Variants in FAM217A observed in about 807,000 individuals in gnomAD.
FAM217A encodes the protein protein FAM217A.
In FAM217A, 13 loss-of-function variants were observed where a neutral mutation model predicts 18.5. The ratio of observed to expected loss-of-function variants is 0.70; its 90% CI spans 0.46 to 1.12. The LOEUF (loss-of-function observed/expected upper bound fraction) is 1.12. Ranked by LOEUF, FAM217A falls within the 50% of genes most tolerant of loss-of-function variation. The pLI is 0.00. For synonymous variants in FAM217A, 161 were observed against 202.8 expected, an observed-to-expected ratio of 0.79 and a Z score of 1.75; for missense variants, 560 against 575.4, an observed-to-expected ratio of 0.97 and a Z score of 0.27.
At position 4,069,159 on chromosome 6, in the gene FAM217A, T is replaced by C. The variant is rs79761863; in HGVS notation, c.1064A>G (p.Asn355Ser). The C allele has an allele frequency of 3.1e-6, 5 of 1,613,910 alleles. No homozygotes were observed. In the South Asian group the frequency reaches 4.4e-5, roughly 14 times the overall value. Residue 355 changes from asparagine to serine, a missense_variant, in exon 7 of 7, where the codon AAC becomes AGC. By Grantham distance (46) the Asn-to-Ser change is conservative (BLOSUM62 1). Coordinates refer to ENST00000274673, the MANE Select transcript of FAM217A (RefSeq NM_173563.3). Reference protein sequence around the residue: ...CVDKSQEKSKNNSGSCKLEQN... With the variant: ...CVDKSQEKSKSNSGSCKLEQN... ...TTCAAGCTTACAAGAACCAGAGTTGTTTTTACTTTTTTCTTGACTTTTATC... is the reference window on the plus strand; with the variant it reads ...TTCAAGCTTACAAGAACCAGAGTTGCTTTTACTTTTTTCTTGACTTTTATC...
Position 4,068,643 on chromosome 6 carries a change from G to T in FAM217A, c.*53C>A. The T allele has an allele frequency of 6.6e-7, 1 of 1,516,534 alleles. No individual in the cohort carries two copies. 93.9% of individuals were successfully genotyped at this position (1,516,534 alleles called of 1,614,324 possible). A position where few individuals can be genotyped will look rare whatever the true frequency, so the allele number is the denominator to read the frequency against. ...TCTTGGAATAATTAACCATATCTTA[G>T]TTGGGCTTCTTAGAGTAGATGTGTT... On this transcript the variant is annotated 3_prime_UTR_variant, in exon 7 of 7. Coordinates refer to ENST00000274673, the MANE Select transcript of FAM217A (RefSeq NM_173563.3).
At position 4,073,187 on chromosome 6, in the gene FAM217A, CA is replaced by C. The variant is rs112342282; in HGVS notation, c.302+87del. On this transcript the variant is annotated intron_variant, in intron 6 of 6. Transcript: ENST00000274673. ...AGAATACTATTTTCTTCTGGTTGTTCATGGTCCTTGTATTTCAAATAGTTAT... is the reference window on the plus strand; with the variant it reads ...AGAATACTATTTTCTTCTGGTTGTTCTGGTCCTTGTATTTCAAATAGTTAT... 7,431 of 1,033,772 alleles carry C rather than the reference CA, an allele frequency of 7.2e-3. 333 individuals are homozygous for C. In the African/African-American group the frequency reaches 0.1, roughly 15 times the overall value. 64.0% of individuals were successfully genotyped at this position (1,033,772 alleles called of 1,614,324 possible). A position where few individuals can be genotyped will look rare whatever the true frequency, so the allele number is the denominator to read the frequency against.
chr6:4,073,193 C>A (rs1232929880), intron 6 of FAM217A, 82 bp downstream of exon 6: 7 of 1,077,592 alleles, frequency 6.5e-6, no homozygotes, highest in Non-Finnish European at 9.5e-6. Context: ...TGTTCATGGT[C>A]CTTGTATTTC....
In FAM217A at chr6:4,068,563, A is replaced by G. The variant is rs1769176895; in HGVS notation, c.*133T>C. The G allele has an allele frequency of 2.1e-6, 2 of 967,370 alleles. No individual in the cohort carries two copies. The highest frequency in any genetic ancestry group is 2.5e-5 in the East Asian group (1 of 40,136). The allele number at this position is 967,370 out of a possible 1,614,324, so 59.9% of individuals were successfully genotyped here. A position where few individuals can be genotyped will look rare whatever the true frequency, so the allele number is the denominator to read the frequency against. On this transcript the variant is annotated 3_prime_UTR_variant, in exon 7 of 7. Transcript: ENST00000274673. ...CAGTGCTTTTCACAAGTTCTACTCC[A>G]TATCACATCAAGCAACTGTTTGGTG...
chr6:4,074,401 G>A (rs201819361), intron 4 of FAM217A, 42 bp downstream of exon 4: 9 of 1,499,528 alleles, frequency 6.0e-6, no homozygotes, highest in South Asian at 2.5e-5. Flanking sequence ...TTTTAAAATC[G>A]TATGTTTTAT....
intron 1 of FAM217A, among the ~76,000 whole-genome samples, chr6:4,078,360 C>T (rs913982069): frequency 2.0e-5 from 3 of 152,160 alleles, no homozygotes; most frequent in South Asian, 2.1e-4. Flanking sequence ...CCAAGAATCA[C>T]AAATTAAAGC....
chr6:4,079,257 C>A (rs1770090506), upstream of FAM217A: 1 of 177,128 alleles, frequency 5.6e-6, no homozygotes, highest in Non-Finnish European at 1.2e-5. Context: ...CGCGGAGCCT[C>A]TCGGGGGTCA....
At chr6:4,070,604 G>A (rs569110521) in intron 6 of FAM217A, among the ~76,000 whole-genome samples, 1 of 152,296 alleles carries the variant, frequency 6.6e-6, no homozygotes, top group African/African-American at 2.4e-5. Context: ...GAAATACTGA[G>A]ATTAAAAGAT....
chr6:4,079,582 G>A (rs1311959572), upstream of FAM217A: 3 of 1,286,608 alleles, frequency 2.3e-6, no homozygotes, highest in Admixed American at 2.3e-5. Flanking sequence ...TGAGCTCTCC[G>A]CGACATGGCC....
chr6:4,071,548 G>A (rs925546213), intron 6 of FAM217A, among the ~76,000 whole-genome samples: 1 of 152,076 alleles, frequency 6.6e-6, no homozygotes, highest in Non-Finnish European at 1.5e-5. Context: ...TGCACGTGGT[G>A]GACTCCTATG....
chr6:4,069,142 T>C lies in FAM217A; in HGVS notation c.1081A>G (p.Lys361Glu), dbSNP rs1266784526. 6.2e-7 allele frequency: 1 copy of C among 1,614,198 alleles called. No homozygotes were observed. The highest frequency in any genetic ancestry group is 8.5e-7 in the Non-Finnish European group (1 of 1,180,022). ...EKSKNNSGSCKLEQNALKRNW... is the reference protein window; with the variant it reads ...EKSKNNSGSCELEQNALKRNW... ...CGTTTTAAAGCATTTTGTTCAAGCT[T>C]ACAAGAACCAGAGTTGTTTTTACTT... is the stretch of plus-strand genomic sequence containing the variant. Residue 361 changes from lysine (K) to glutamate (E), a missense_variant, in exon 7 of 7, where the codon AAG (lysine) becomes GAG (glutamate). By Grantham distance (56) the Lys-to-Glu change is moderately conservative. Transcript: ENST00000274673.
intron 6 of FAM217A, 48 bp from the exon 7 acceptor site, chr6:4,069,968 A>AATGCTATTAAAATGATACAGTTAAGTAC (rs1769297131): frequency 6.8e-6 from 9 of 1,325,196 alleles, no homozygotes; most frequent in Admixed American, 5.0e-5. Flanking sequence ...CTAGAATTAA[A>AATGCTATTAAAATGATACAGTTAAGTAC]ATGCTATTAA....
intron 1 of FAM217A, among the ~76,000 whole-genome samples, chr6:4,086,800 A>T (rs1262456872): frequency 6.6e-6 from 1 of 152,198 alleles, no homozygotes; most frequent in Non-Finnish European, 1.5e-5. Flanking sequence ...CAAATCTGAT[A>T]CTAGTTCTTG....
At chr6:4,080,247 C>T (rs1232982361), upstream of FAM217A, among the ~76,000 whole-genome samples, 1 of 152,164 alleles carries the variant, frequency 6.6e-6, no homozygotes, top group African/African-American at 2.4e-5. Context: ...TCAGAAAGAC[C>T]TTCCCTTTAA....
At chr6:4,079,218 G>A (rs1770085890), upstream of FAM217A, 1 of 257,758 alleles carries the variant, frequency 3.9e-6, no homozygotes, top group South Asian at 1.7e-4. Flanking sequence ...CGTATTCGCG[G>A]GCCGCGGGGT....
intron 2 of FAM217A, among the ~76,000 whole-genome samples, chr6:4,084,204 T>C (rs1770491584): frequency 6.6e-6 from 1 of 152,226 alleles, no homozygotes; most frequent in African/African-American, 2.4e-5. Flanking sequence ...AAATTAACCT[T>C]TAACACTCTG....
Position 4,078,908 on chromosome 6 carries a change from C to T in FAM217A, c.-91G>A, listed in dbSNP as rs966907325. 1.7e-6 allele frequency: 1 copy of T among 585,088 alleles called. No individual in the cohort carries two copies. The highest frequency in any genetic ancestry group is 2.9e-5 in the Admixed American group (1 of 34,402). 36.2% of individuals were successfully genotyped at this position (585,088 alleles called of 1,614,324 possible). ...GCTCTCCCGGTGCGCCGCCCCGAGG[C>T]CCGAGCGCCTCCGCGTGCGTGGCTG... On this transcript the variant is annotated 5_prime_UTR_variant, in exon 1 of 7. Coordinates refer to ENST00000274673, the MANE Select transcript of FAM217A (RefSeq NM_173563.3).
upstream of FAM217A, among the ~76,000 whole-genome samples, chr6:4,081,864 T>C (rs1003060809): frequency 1.3e-5 from 2 of 152,234 alleles, no homozygotes; most frequent in Non-Finnish European, 2.9e-5. Context: ...ATTTCCCCTC[T>C]TCCTTGCTTT....
At chr6:4,077,539 G>T (rs778040222) in intron 1 of FAM217A, 91 bp from the exon 2 acceptor site, 2 of 1,078,620 alleles carry the variant, frequency 1.9e-6, no homozygotes, top group South Asian at 2.6e-5. Flanking sequence ...TCTAAAGGAG[G>T]TAAGAGAATG....
Sources: allele counts gnomAD v4.1 joint callset (sites outside exome capture counted in the v4.1 genomes callset), GRCh38; gene constraint gnomAD v4.1.1; transcripts MANE v1.5; gene names NCBI Gene and HGNC (gene_info 2026-07-23, HGNC 2026-07-21).